Variants in TMTC2 observed in about 807,000 individuals in gnomAD.
TMTC2 encodes transmembrane O-mannosyltransferase targeting cadherins 2, also known as protein O-mannosyl-transferase TMTC2.
TMTC2 carries 43 observed loss-of-function variants against 82.4 expected under a neutral mutation model. The ratio of observed to expected loss-of-function variants is 0.52; its 90% confidence interval spans 0.41 to 0.67. The LOEUF (loss-of-function observed/expected upper bound fraction) is 0.67, where lower values mean the gene tolerates loss of function less well. Among genes scored for constraint, TMTC2 ranks in the 30% least tolerant of loss-of-function variants. The pLI is 0.00. For missense variants in TMTC2, 919 were observed against 1,012.4 expected (o/e 0.91, Z 1.25); for synonymous variants, 408 against 381.9 (o/e 1.07, Z -0.80).
intron 1 of TMTC2, among the ~76,000 whole-genome samples, chr12:82,825,140 T>C (rs961972213): frequency 6.6e-6 from 1 of 151,808 alleles, no homozygotes; most frequent in Non-Finnish European, 1.5e-5. Flanking sequence ...AGACACTGTA[T>C]GTTTTATTGT....
chr12:82,960,015 A>G (rs1217981687), intron 4 of TMTC2, among the ~76,000 whole-genome samples: 1 of 152,066 alleles, frequency 6.6e-6, no homozygotes, highest in African/African-American at 2.4e-5. Context: ...AAAGAAAGAT[A>G]TGAGCAGACA....
At chr12:82,883,453 A>G (rs761488952) in intron 2 of TMTC2, among the ~76,000 whole-genome samples, 13 of 152,200 alleles carry the variant, frequency 8.5e-5, no homozygotes, top group Non-Finnish European at 1.6e-4. Context: ...AAAAACTCCC[A>G]CACTCATTAA....
chr12:83,106,096 G>A (rs572802571), intron 11 of TMTC2, among the ~76,000 whole-genome samples: 1 of 152,308 alleles, frequency 6.6e-6, no homozygotes, highest in Admixed American at 6.5e-5. Context: ...TCAGATATAT[G>A]TGAGTAAATT....
chr12:82,987,849 T>A (rs890914332), intron 8 of TMTC2, among the ~76,000 whole-genome samples: 3 of 152,154 alleles, frequency 2.0e-5, no homozygotes, highest in Non-Finnish European at 4.4e-5. Flanking sequence ...TATTTGCCTA[T>A]CTCAGAATGG....
intron 3 of TMTC2, among the ~76,000 whole-genome samples, chr12:82,897,869 T>C (rs1348155842): frequency 6.6e-6 from 1 of 152,160 alleles, no homozygotes; most frequent in Non-Finnish European, 1.5e-5. Context: ...GCATTTGAAC[T>C]GGCATTTTTC....
At chr12:82,828,339 G>A (rs867137435) in intron 1 of TMTC2, among the ~76,000 whole-genome samples, 1 of 149,416 alleles carries the variant, frequency 6.7e-6, no homozygotes, top group South Asian at 2.1e-4. Context: ...TCATCCTTCC[G>A]ATTAGCTGGA....
At chr12:82,740,953 C>A (rs1012198971) in intron 1 of TMTC2, among the ~76,000 whole-genome samples, 3 of 152,212 alleles carry the variant, frequency 2.0e-5, no homozygotes, top group Non-Finnish European at 4.4e-5. Context: ...TTGACATGGC[C>A]TTGAGCTTTC....
intron 11 of TMTC2, among the ~76,000 whole-genome samples, chr12:83,089,035 T>C (rs1883753322): frequency 6.6e-6 from 1 of 152,128 alleles, no homozygotes; most frequent in African/African-American, 2.4e-5. Context: ...CTTGCCAAAA[T>C]CATGACCACG....
At chr12:82,934,376 C>T (rs1876202485) in intron 4 of TMTC2, among the ~76,000 whole-genome samples, 1 of 152,126 alleles carries the variant, frequency 6.6e-6, no homozygotes, top group Non-Finnish European at 1.5e-5. Context: ...CTATCCCTCC[C>T]CTAGCCCCCC....
intron 1 of TMTC2, among the ~76,000 whole-genome samples, chr12:82,727,781 G>A (rs1444907592): frequency 6.6e-6 from 1 of 150,538 alleles, no homozygotes; most frequent in Non-Finnish European, 1.5e-5. Context: ...CAGGGAAAGA[G>A]ACCACTCCAT....
chr12:82,940,089 C>T (rs1480693476), intron 4 of TMTC2, among the ~76,000 whole-genome samples: 1 of 140,290 alleles, frequency 7.1e-6, no homozygotes, highest in Non-Finnish European at 1.5e-5. Flanking sequence ...GGCGCGATCT[C>T]GGCTCACAGC....
intron 3 of TMTC2, among the ~76,000 whole-genome samples, chr12:82,902,181 G>A (rs1874056527): frequency 6.6e-6 from 1 of 152,160 alleles, no homozygotes; most frequent in African/African-American, 2.4e-5. Context: ...CCAGAGCCAG[G>A]AGAACATCTT....
chr12:82,986,478 G>A (rs1486381593), intron 8 of TMTC2: 4 of 156,554 alleles, frequency 2.6e-5, no homozygotes, highest in Admixed American at 2.5e-4. Flanking sequence ...AATATAAATG[G>A]AGAATCCCAA....
chr12:82,708,126 G>C lies in TMTC2; in HGVS notation c.83+20457G>C, dbSNP rs567572590. Among the ~76,000 whole-genome samples the C allele has an allele frequency of 2.6e-5, 4 of 152,284 alleles. No individual in the cohort carries two copies. In the East Asian group the frequency reaches 5.8e-4, roughly 22 times the overall value. ...TTTCTCTCTACAATGTCAGGGTTTA[G>C]TAGTTGTGACAGAGACCTTGGGGCT... On this transcript the variant is annotated intron_variant, in intron 1 of 11. Transcript: ENST00000321196.
chr12:82,774,700 A>T (rs1227419730), intron 1 of TMTC2, among the ~76,000 whole-genome samples: 4 of 144,178 alleles, frequency 2.8e-5, no homozygotes, highest in Non-Finnish European at 6.0e-5. Flanking sequence ...GCAGGCTTTC[A>T]TCTCGTATCT....
chr12:83,119,724 G>A (rs901473491), intron 11 of TMTC2, among the ~76,000 whole-genome samples: 45 of 152,208 alleles, frequency 3.0e-4, no homozygotes, highest in African/African-American at 1.0e-3. Context: ...TGACCTGTCT[G>A]GTGCTGTCAG....
At position 82,863,535 on chromosome 12, in the gene TMTC2, G is replaced by T. The variant is rs78702387; in HGVS notation, c.654+5955G>T. ...AAGTCAATGTTCAAAAATATTTTAC[G>T]ATTCAAAAAGTCAAAGATTAATAAG... On this transcript the variant is annotated intron_variant, in intron 2 of 11. Coordinates refer to ENST00000321196, the MANE Select transcript of TMTC2 (RefSeq NM_152588.3). 6.4e-3 allele frequency among the ~76,000 whole-genome samples: 969 copies of T among 152,172 alleles called. 10 individuals carry two copies. The highest frequency in any genetic ancestry group is 0.022 in the African/African-American group (920 of 41,508).
At chr12:82,875,200 T>C (rs1218631008) in intron 2 of TMTC2, among the ~76,000 whole-genome samples, 1 of 152,200 alleles carries the variant, frequency 6.6e-6, no homozygotes, top group Non-Finnish European at 1.5e-5. Context: ...TCCAAAGAGA[T>C]TATGTTTAGG....
chr12:83,009,013 C>G (rs533802725), intron 8 of TMTC2, among the ~76,000 whole-genome samples: 1 of 152,312 alleles, frequency 6.6e-6, no homozygotes, highest in African/African-American at 2.4e-5. Flanking sequence ...TCAGTTACAT[C>G]TCAGTCTTTG....
Sources: gnomAD v4.1 joint callset for allele counts (sites outside exome capture counted in the v4.1 genomes callset) on GRCh38, gnomAD v4.1.1 for gene constraint, MANE v1.5 for transcripts, NCBI Gene and HGNC (gene_info 2026-07-23, HGNC 2026-07-21) for gene names.